Variants in CSMD1 observed in about 807,000 individuals in gnomAD.
CSMD1 encodes CUB and Sushi multiple domains 1, also known as CUB and sushi domain-containing protein 1.
Under a neutral mutation model 417.5 loss-of-function variants are expected in CSMD1, and 213 were observed. The observed-to-expected ratio is 0.51, with a 90% CI of 0.46 to 0.57. The LOEUF (loss-of-function observed/expected upper bound fraction) is 0.57. Ranked by LOEUF, CSMD1 falls within the 20% of genes least tolerant of loss-of-function variation. CSMD1 has a pLI of 0.00. For missense variants in CSMD1, 6,923 were observed against 4,529.7 expected (o/e 1.53, Z -15.17); for synonymous variants, 2,862 against 1,736.8 (o/e 1.65, Z -16.11).
chr8:3,145,067 G>A (rs1473818835), intron 40 of CSMD1, among the ~76,000 whole-genome samples: 4 of 152,140 alleles, frequency 2.6e-5, no homozygotes, highest in African/African-American at 7.2e-5. Flanking sequence ...GTGCATGCAT[G>A]CATTTGTGTG....
At chr8:3,094,986 T>C (rs1026032018) in intron 47 of CSMD1, among the ~76,000 whole-genome samples, 1 of 152,180 alleles carries the variant, frequency 6.6e-6, no homozygotes, top group Non-Finnish European at 1.5e-5. Context: ...ACAGCAAGTA[T>C]TATGCTATTG....
At chr8:3,888,667 G>A (rs1018806502) in intron 5 of CSMD1, among the ~76,000 whole-genome samples, 4 of 152,096 alleles carry the variant, frequency 2.6e-5, no homozygotes, top group South Asian at 2.1e-4. Flanking sequence ...ATCTCATTGT[G>A]CACTGAGAGA....
intron 5 of CSMD1, among the ~76,000 whole-genome samples, chr8:3,908,568 C>G (rs193093105): frequency 2.6e-4 from 40 of 152,282 alleles, no homozygotes; most frequent in Middle Eastern, 3.4e-3. Flanking sequence ...ATGGAGCTCA[C>G]ATTTGCCTCT....
chr8:3,391,283 C>A (rs1181337901), intron 17 of CSMD1, among the ~76,000 whole-genome samples: 1 of 152,176 alleles, frequency 6.6e-6, no homozygotes, highest in Middle Eastern at 3.2e-3. Context: ...AGAGTATGTA[C>A]ATTTACAAGT....
chr8:4,076,147 T>C (rs942397421), intron 3 of CSMD1, among the ~76,000 whole-genome samples: 2 of 152,138 alleles, frequency 1.3e-5, no homozygotes, highest in South Asian at 2.1e-4. Context: ...AACTGAATCA[T>C]GCGTGTGGTT....
intron 5 of CSMD1, among the ~76,000 whole-genome samples, chr8:3,919,379 G>A (rs1048113067): frequency 6.6e-6 from 1 of 152,108 alleles, no homozygotes; most frequent in East Asian, 1.9e-4. Context: ...TCAATCTCAT[G>A]TGTTGAAGAG....
chr8:4,986,849 G>A (rs1811204822), intron 1 of CSMD1, among the ~76,000 whole-genome samples: 1 of 152,126 alleles, frequency 6.6e-6, no homozygotes, highest in East Asian at 1.9e-4. Context: ...AAATCAGTGT[G>A]AGCTAAATGG....
chr8:4,332,887 A>G (rs1174687558), intron 3 of CSMD1, among the ~76,000 whole-genome samples: 1 of 150,802 alleles, frequency 6.6e-6, no homozygotes, highest in Non-Finnish European at 1.5e-5. Flanking sequence ...TTTGAGAAAA[A>G]CAACACAATG....
Position 3,312,728 on chromosome 8 carries a change from G to T in CSMD1, c.3632-4225C>A, listed in dbSNP as rs1805445047. The stretch of plus-strand genomic sequence containing the variant: ...GTGAACCAGCTTAGTCGCCTGCTAG[G>T]GAGAAGAGTGCTGCCTCCACCGTTA... On this transcript the variant is annotated intron_variant, in intron 23 of 69. Transcript: ENST00000635120. 2.0e-5 allele frequency among the ~76,000 whole-genome samples: 3 copies of T among 152,224 alleles called. No individual in the cohort carries two copies. In the South Asian group the frequency reaches 6.2e-4, roughly 32 times the overall value.
At chr8:3,658,409 T>C (rs1408460019) in intron 7 of CSMD1, among the ~76,000 whole-genome samples, 1 of 149,896 alleles carries the variant, frequency 6.7e-6, no homozygotes, top group Admixed American at 6.7e-5. Context: ...TAAAAGTAAA[T>C]GTTAGTAATG....
chr8:4,417,599 A>G (rs926012321), intron 3 of CSMD1, among the ~76,000 whole-genome samples: 7 of 152,034 alleles, frequency 4.6e-5, no homozygotes, highest in African/African-American at 1.7e-4. Context: ...TGGATTATAC[A>G]TCAGTATTTT....
chr8:4,025,712 C>G (rs1338709797), intron 4 of CSMD1, among the ~76,000 whole-genome samples: 1 of 152,080 alleles, frequency 6.6e-6, no homozygotes, highest in Non-Finnish European at 1.5e-5. Context: ...GATTACCTCT[C>G]AAGAAAAATG....
chr8:3,519,701 A>C lies in CSMD1; in HGVS notation c.1345-25975T>G, dbSNP rs753315394. Among the ~76,000 whole-genome samples the C allele has an allele frequency of 4.1e-4, 62 of 152,298 alleles. No homozygotes were observed. The Middle Eastern group carries it at 0.01, about 25-fold the overall frequency. On this transcript the variant is annotated intron_variant, in intron 10 of 69. Coordinates refer to ENST00000635120, the MANE Select transcript of CSMD1 (RefSeq NM_033225.6). ...GGCTGCTTCATTAATTTAATGAATA[A>C]AGTGGTGCACGCTATACAATGGGGT...
chr8:3,614,232 A>G (rs1025826593), intron 8 of CSMD1, among the ~76,000 whole-genome samples: 1 of 152,168 alleles, frequency 6.6e-6, no homozygotes, highest in African/African-American at 2.4e-5. Flanking sequence ...GATTTCCCAA[A>G]AAACTAGGAA....
intron 3 of CSMD1, among the ~76,000 whole-genome samples, chr8:4,183,157 G>A (rs556034904): frequency 6.6e-6 from 1 of 152,148 alleles, no homozygotes; most frequent in South Asian, 2.1e-4. Flanking sequence ...GTTAATTAAT[G>A]CGTAAGTGCA....
At chr8:4,873,946 A>G (rs1219124616) in intron 1 of CSMD1, among the ~76,000 whole-genome samples, 4 of 152,294 alleles carry the variant, frequency 2.6e-5, no homozygotes, top group East Asian at 3.9e-4. Flanking sequence ...AAAAAAAGCA[A>G]GGAACTATTT....
intron 25 of CSMD1, among the ~76,000 whole-genome samples, chr8:3,286,442 A>G (rs541740843): frequency 6.3e-4 from 96 of 152,302 alleles, no homozygotes; most frequent in African/African-American, 2.3e-3. Context: ...CAGTCCCACC[A>G]AGAGTGTGAA....
chr8:4,977,535 G>C (rs1011278275), intron 1 of CSMD1, among the ~76,000 whole-genome samples: 2 of 152,186 alleles, frequency 1.3e-5, no homozygotes, highest in African/African-American at 4.8e-5. Context: ...AGCTCCCTTT[G>C]AGAGGGAACA....
chr8:4,234,677 A>C (rs1801940366), intron 3 of CSMD1, among the ~76,000 whole-genome samples: 1 of 152,170 alleles, frequency 6.6e-6, no homozygotes, highest in African/African-American at 2.4e-5. Flanking sequence ...CTAAATAAAC[A>C]CTTGTTAATG....
Sources: allele counts gnomAD v4.1 joint callset (sites outside exome capture counted in the v4.1 genomes callset), GRCh38; gene constraint gnomAD v4.1.1; transcripts MANE v1.5; gene names NCBI Gene and HGNC (gene_info 2026-07-23, HGNC 2026-07-21).